Variants in DIP2C observed in about 807,000 individuals in gnomAD.
DIP2C encodes disco-interacting protein 2 homolog C.
A neutral mutation model predicts 192.4 loss-of-function variants in DIP2C; 33 were observed. The observed-to-expected ratio is 0.17, with a 90% CI of 0.13 to 0.23. DIP2C has a LOEUF of 0.23. Among genes scored for constraint, DIP2C ranks in the 10% least tolerant of loss-of-function variants. The pLI, the probability that DIP2C is intolerant of heterozygous loss-of-function variation, is 1.00. For synonymous variants in DIP2C, 979 were observed against 864.1 expected (o/e 1.13, Z -2.33); for missense variants, 1,537 against 2,110.1 (o/e 0.73, Z 5.32).
At position 652,271 on chromosome 10, in the gene DIP2C, G is replaced by A; in HGVS notation, c.85+37223C>T. On this transcript the variant is annotated intron_variant, in intron 1 of 36. Coordinates refer to ENST00000280886, the MANE Select transcript of DIP2C (RefSeq NM_014974.3). The surrounding 1 kb of genome is among the most constrained non-coding windows in gnomAD (Gnocchi z 4.5). ...GCTGGCTGCTGACCAAACTCCACTG[G>A]CATCTTCCTCCATCCTGAGGGCATC... The A allele has an allele frequency of 4.9e-6, 1 of 205,474 alleles. No homozygotes were observed. The highest frequency in any genetic ancestry group is 6.1e-5 in the South Asian group (1 of 16,348). The allele number at this position is 205,474 out of a possible 1,614,324, so 12.7% of individuals were successfully genotyped here. A position where few individuals can be genotyped will look rare whatever the true frequency, so the allele number is the denominator to read the frequency against.
At position 451,926 on chromosome 10, in the gene DIP2C, C is replaced by CA. The variant is rs1351780700; in HGVS notation, c.269-10931dup. 2.8e-5 allele frequency among the ~76,000 whole-genome samples: 4 copies of CA among 141,606 alleles called. No individual in the cohort carries two copies. In the East Asian group the frequency reaches 5.8e-4, roughly 21 times the overall value. 92.9% of individuals were successfully genotyped at this position (141,606 alleles called of 152,430 possible). ...CATACACAAGTCTGCTACATTTGGT[C>CA]AAAAAACTGAGAAAACAGTAACAGA... On this transcript the variant is annotated intron_variant, in intron 3 of 36. Transcript: ENST00000280886.
At chr10:296,703 C>T (rs957999025) in intron 32 of DIP2C, among the ~76,000 whole-genome samples, 3 of 151,984 alleles carry the variant, frequency 2.0e-5, no homozygotes, top group African/African-American at 7.3e-5. Context: ...GAACACTATG[C>T]AGCCATAAAA....
At chr10:524,025 G>T (rs1394927705) in intron 1 of DIP2C, among the ~76,000 whole-genome samples, 4 of 152,176 alleles carry the variant, frequency 2.6e-5, no homozygotes, top group Admixed American at 2.6e-4. Context: ...GCACTCCCAG[G>T]AGGCCGTGCA....
chr10:524,665 T>G (rs1386330936), intron 1 of DIP2C, among the ~76,000 whole-genome samples: 2 of 152,192 alleles, frequency 1.3e-5, no homozygotes, highest in Non-Finnish European at 2.9e-5. Context: ...CGTTTTATTT[T>G]AAAAACAAAG....
At chr10:289,265 A>G (rs989675392) in intron 32 of DIP2C, among the ~76,000 whole-genome samples, 1 of 79,330 alleles carries the variant, frequency 1.3e-5, no homozygotes, top group African/African-American at 4.5e-5. Flanking sequence ...ACCATCCCCC[A>G]GTGATGTTTT....
chr10:328,662 G>T (rs1957372994), intron 30 of DIP2C, among the ~76,000 whole-genome samples: 1 of 152,158 alleles, frequency 6.6e-6, no homozygotes, highest in African/African-American at 2.4e-5. Flanking sequence ...TTGCTTTCCT[G>T]TCCAAGCTTT....
chr10:532,438 C>T (rs1370537889), intron 1 of DIP2C, among the ~76,000 whole-genome samples: 1 of 152,234 alleles, frequency 6.6e-6, no homozygotes, highest in Non-Finnish European at 1.5e-5. Flanking sequence ...AATGAGTCAA[C>T]ATCTACCTTA....
intron 1 of DIP2C, among the ~76,000 whole-genome samples, chr10:556,591 C>T (rs1241344201): frequency 6.6e-6 from 1 of 151,474 alleles, no homozygotes; most frequent in Non-Finnish European, 1.5e-5. Context: ...AACGTGTCAC[C>T]ATCTGCTATA....
chr10:378,083 G>A (rs79048242), intron 17 of DIP2C, among the ~76,000 whole-genome samples: 1 of 152,106 alleles, frequency 6.6e-6, no homozygotes, highest in Non-Finnish European at 1.5e-5. Flanking sequence ...TTTTCGCCTT[G>A]CAATTTGTCC....
chr10:571,561 C>T (rs1210347692), intron 1 of DIP2C, among the ~76,000 whole-genome samples: 2 of 152,084 alleles, frequency 1.3e-5, no homozygotes, highest in Non-Finnish European at 2.9e-5. Context: ...TCACCTTCCT[C>T]ACTGCACTTC....
rs745460195 is a variant in DIP2C at position 585,722 on chromosome 10, CGCT to C, written c.86-99195_86-99193del. ...CTCTGCTCTCTACTGCCACAAACGC[CGCT>C]GCAAGGTACAACCAGGAAGATCATC... On this transcript the variant is annotated intron_variant, in intron 1 of 36. Coordinates refer to ENST00000280886, the MANE Select transcript of DIP2C (RefSeq NM_014974.3). Among the ~76,000 whole-genome samples, 24 of 152,138 alleles carry C rather than the reference CGCT, an allele frequency of 1.6e-4. 1 individual carries two copies. In the South Asian group the frequency reaches 4.4e-3, roughly 28 times the overall value.
chr10:329,363 C>T, intron 30 of DIP2C, 70 bp downstream of exon 30: 1 of 1,492,524 alleles, frequency 6.7e-7, no homozygotes, highest in Non-Finnish European at 9.0e-7. Context: ...CACCCCATCA[C>T]AGATGTGCCT....
intron 2 of DIP2C, among the ~76,000 whole-genome samples, chr10:480,476 G>A (rs918862902): frequency 2.0e-5 from 3 of 152,134 alleles, no homozygotes; most frequent in East Asian, 1.9e-4. Flanking sequence ...CTGGATGACG[G>A]TCTCATCTAC....
At chr10:372,931 G>A (rs964686238) in intron 17 of DIP2C, among the ~76,000 whole-genome samples, 2 of 152,260 alleles carry the variant, frequency 1.3e-5, no homozygotes, top group Admixed American at 1.3e-4. Flanking sequence ...CCCTCCAGAT[G>A]GCAAACCAGT....
intron 3 of DIP2C, among the ~76,000 whole-genome samples, chr10:464,382 A>AG (rs1185661839): frequency 5.3e-5 from 8 of 152,030 alleles, no homozygotes; most frequent in Non-Finnish European, 8.8e-5. Flanking sequence ...CAACAAACTT[A>AG]GAAAAAAAAA....
intron 33 of DIP2C, among the ~76,000 whole-genome samples, chr10:286,691 T>C (rs1353274181): frequency 6.6e-6 from 1 of 152,216 alleles, no homozygotes; most frequent in Admixed American, 6.5e-5. Flanking sequence ...TGATATAATG[T>C]TTAACACAGC....
At chr10:586,988 C>G (rs1050070460) in intron 1 of DIP2C, among the ~76,000 whole-genome samples, 1 of 151,840 alleles carries the variant, frequency 6.6e-6, no homozygotes. Flanking sequence ...TCCCCACTGA[C>G]AGCATGGCGA....
At chr10:371,155 ACCCTGC>A (rs1960906281) in intron 17 of DIP2C, among the ~76,000 whole-genome samples, 1 of 50,580 alleles carries the variant, frequency 2.0e-5, no homozygotes, top group Non-Finnish European at 6.8e-5. Context: ...CCATCCCCTC[ACCCTGC>A]ACCATCCCCT....
intron 1 of DIP2C, among the ~76,000 whole-genome samples, chr10:494,304 C>A (rs1235976639): frequency 6.6e-6 from 1 of 152,218 alleles, no homozygotes; most frequent in Non-Finnish European, 1.5e-5. Flanking sequence ...TCTCTGTCAA[C>A]AGAGCTCCAT....
Sources: gnomAD v4.1 joint callset for allele counts (sites outside exome capture counted in the v4.1 genomes callset) on GRCh38, gnomAD v4.1.1 for gene constraint, Gnocchi (gnomAD v3.1) non-coding constraint, MANE v1.5 for transcripts, NCBI Gene and HGNC (gene_info 2026-07-23, HGNC 2026-07-21) for gene names.